Variants in PTPRD observed in about 807,000 individuals in gnomAD.
The protein encoded by PTPRD is receptor-type tyrosine-protein phosphatase delta.
A neutral mutation model predicts 214.5 loss-of-function variants in PTPRD; 34 were observed. That is an observed-to-expected ratio of 0.16 (90% CI 0.12 to 0.21). The LOEUF (loss-of-function observed/expected upper bound fraction) is 0.21, where lower values mean the gene tolerates loss of function less well. Ranked by LOEUF, PTPRD falls within the 10% of genes least tolerant of loss-of-function variation. The pLI, the probability that PTPRD is intolerant of heterozygous loss-of-function variation, is 1.00. For synonymous variants in PTPRD, 1,128 were observed against 845.7 expected (o/e 1.33, Z -5.79); for missense variants, 2,545 against 2,398.7 (o/e 1.06, Z -1.27).
chr9:8,851,010 C>T (rs556847163), intron 11 of PTPRD, among the ~76,000 whole-genome samples: 54 of 152,244 alleles, frequency 3.5e-4, no homozygotes, highest in African/African-American at 1.3e-3. Context: ...TAAAATTGTA[C>T]TGGTGAATCT....
At chr9:9,596,083 T>C (rs1258681320) in intron 7 of PTPRD, among the ~76,000 whole-genome samples, 1 of 152,044 alleles carries the variant, frequency 6.6e-6, no homozygotes, top group Non-Finnish European at 1.5e-5. Context: ...TATATTCACT[T>C]AGATATAACC....
At chr9:8,854,547 C>T (rs978595807) in intron 11 of PTPRD, among the ~76,000 whole-genome samples, 1 of 152,124 alleles carries the variant, frequency 6.6e-6, no homozygotes, top group Non-Finnish European at 1.5e-5. Flanking sequence ...AACAGTCACC[C>T]TTGTCAGTTT....
chr9:9,933,936 G>A (rs1172234185), intron 5 of PTPRD, among the ~76,000 whole-genome samples: 1 of 145,014 alleles, frequency 6.9e-6, no homozygotes, highest in African/African-American at 2.8e-5. Context: ...ACTCAAAGCT[G>A]CTCAACTACA....
At chr9:8,458,308 T>G (rs561118091) in intron 33 of PTPRD, among the ~76,000 whole-genome samples, 5 of 152,286 alleles carry the variant, frequency 3.3e-5, no homozygotes, top group African/African-American at 1.2e-4. Context: ...ATTAGGGCTA[T>G]AATCATATTT....
chr9:10,142,394 C>G (rs1363386242), intron 3 of PTPRD, among the ~76,000 whole-genome samples: 1 of 151,854 alleles, frequency 6.6e-6, no homozygotes, highest in Non-Finnish European at 1.5e-5. Flanking sequence ...GGGCTAATAT[C>G]CAGAATCTAC....
chr9:8,806,300 G>T (rs924322906), intron 11 of PTPRD, among the ~76,000 whole-genome samples: 6 of 151,454 alleles, frequency 4.0e-5, no homozygotes, highest in Non-Finnish European at 8.8e-5. Flanking sequence ...ATATTAATGT[G>T]TGCATAAATA....
intron 3 of PTPRD, among the ~76,000 whole-genome samples, chr9:10,141,990 C>T (rs1458747108): frequency 6.6e-6 from 1 of 152,160 alleles, no homozygotes; most frequent in Admixed American, 6.6e-5. Context: ...ACTATCTGAT[C>T]TTTGACAAAC....
chr9:8,507,546 TTAG>T, intron 21 of PTPRD, 112 bp from the exon 22 acceptor site: 1 of 1,326,316 alleles, frequency 7.5e-7, no homozygotes, highest in Non-Finnish European at 1.0e-6. Context: ...ATGTACCAGC[TTAG>T]TGGAAAACAA....
rs563930235 is a variant in PTPRD at position 8,805,507 on chromosome 9, GA to G, written c.-103-71562del. Among the ~76,000 whole-genome samples the G allele has an allele frequency of 5.8e-3, 837 of 143,364 alleles. 7 individuals are homozygous for G. The highest frequency in any genetic ancestry group is 0.018 in the African/African-American group (724 of 39,262). The allele number at this position is 143,364 out of a possible 152,430, so 94.1% of individuals were successfully genotyped here. A position where few individuals can be genotyped will look rare whatever the true frequency, so the allele number is the denominator to read the frequency against. On this transcript the variant is annotated intron_variant, in intron 11 of 45. Transcript: ENST00000381196. ...ATGATTATAAACCTCAATTGCAATA[GA>G]AAAAAAAAACAGAAAAATAAATATA...
At chr9:8,533,250 G>A (rs2076151569) in intron 14 of PTPRD, among the ~76,000 whole-genome samples, 1 of 151,978 alleles carries the variant, frequency 6.6e-6, no homozygotes, top group Admixed American at 6.6e-5. Context: ...GTCCTAAGTA[G>A]CTCTTCTTGC....
intron 11 of PTPRD, among the ~76,000 whole-genome samples, chr9:8,776,377 A>T (rs2095474840): frequency 6.6e-6 from 1 of 152,100 alleles, no homozygotes; most frequent in South Asian, 2.1e-4. Context: ...ATCTTGGCTC[A>T]CTGCAGTATT....
intron 8 of PTPRD, among the ~76,000 whole-genome samples, chr9:9,468,979 A>T (rs1233045847): frequency 2.6e-5 from 4 of 152,112 alleles, no homozygotes; most frequent in African/African-American, 9.7e-5. Flanking sequence ...GTACCATTCA[A>T]TCCTTCATCA....
chr9:8,689,006 G>C (rs1040868478), intron 12 of PTPRD, among the ~76,000 whole-genome samples: 1 of 152,028 alleles, frequency 6.6e-6, no homozygotes, highest in Non-Finnish European at 1.5e-5. Flanking sequence ...TAATACAGGG[G>C]CAAAAAAGAG....
intron 11 of PTPRD, among the ~76,000 whole-genome samples, chr9:8,752,351 C>G (rs937904033): frequency 1.3e-5 from 2 of 152,116 alleles, no homozygotes; most frequent in Non-Finnish European, 1.5e-5. Flanking sequence ...TGGCAGTTTA[C>G]AGATGCCATG....
chr9:9,447,753 TA>T (rs1293524970), intron 8 of PTPRD, among the ~76,000 whole-genome samples: 1 of 152,094 alleles, frequency 6.6e-6, no homozygotes, highest in East Asian at 1.9e-4. Flanking sequence ...TATGGGGTGC[TA>T]GGGTACCTCA....
At chr9:9,752,506 T>C (rs539694228) in intron 6 of PTPRD, among the ~76,000 whole-genome samples, 4 of 150,918 alleles carry the variant, frequency 2.7e-5, no homozygotes, top group African/African-American at 9.6e-5. Flanking sequence ...AAAAATGGAG[T>C]GTGCCTTTCA....
chr9:10,061,285 A>C (rs1332545911), intron 3 of PTPRD, among the ~76,000 whole-genome samples: 2 of 152,164 alleles, frequency 1.3e-5, no homozygotes, highest in Admixed American at 1.3e-4. Flanking sequence ...AAAATATATA[A>C]CTTGTTCCAA....
chr9:9,762,744 C>T (rs969702839), intron 6 of PTPRD, among the ~76,000 whole-genome samples: 9 of 152,278 alleles, frequency 5.9e-5, no homozygotes, highest in Middle Eastern at 3.4e-3. Context: ...CTCTTCTAGC[C>T]TTTATTATCA....
At chr9:10,591,927 C>T (rs1180231181) in intron 2 of PTPRD, among the ~76,000 whole-genome samples, 1 of 152,132 alleles carries the variant, frequency 6.6e-6, no homozygotes, top group Non-Finnish European at 1.5e-5. Context: ...CAGACCCTAA[C>T]TCCCACCCCT....
Sources: allele counts gnomAD v4.1 joint callset (sites outside exome capture counted in the v4.1 genomes callset), GRCh38; gene constraint gnomAD v4.1.1; transcripts MANE v1.5; gene names NCBI Gene and HGNC (gene_info 2026-07-23, HGNC 2026-07-21).